LSAMP: variants seen among roughly 807,000 people sequenced by gnomAD.
LSAMP encodes limbic system associated membrane protein.
In LSAMP, 7 loss-of-function variants were observed where a neutral mutation model predicts 38.6. That is an observed-to-expected ratio of 0.18 (90% CI 0.10 to 0.34). LSAMP has a LOEUF of 0.34. Ranked by LOEUF, LSAMP falls within the 10% of genes least tolerant of loss-of-function variation. LSAMP has a pLI of 1.00. For synonymous variants in LSAMP, 154 were observed against 166.8 expected (o/e 0.92, Z 0.59); for missense variants, 313 against 420.0 (o/e 0.75, Z 2.23).
chr3:115,987,871 A>G (rs1162685498), intron 3 of LSAMP, among the ~76,000 whole-genome samples: 1 of 152,200 alleles, frequency 6.6e-6, no homozygotes, highest in Non-Finnish European at 1.5e-5. Context: ...ACTTCCTATC[A>G]TTTCACAGCT....
intron 3 of LSAMP, among the ~76,000 whole-genome samples, chr3:115,894,053 C>G (rs1197026124): frequency 6.6e-6 from 1 of 151,970 alleles, no homozygotes; most frequent in African/African-American, 2.4e-5. Flanking sequence ...CACTTTCTTA[C>G]TCTTAATTTA....
intron 3 of LSAMP, among the ~76,000 whole-genome samples, chr3:116,013,494 CT>C (rs1235953805): frequency 6.6e-6 from 1 of 152,108 alleles, no homozygotes; most frequent in African/African-American, 2.4e-5. Flanking sequence ...ACACAAACAG[CT>C]GTCTATATAC....
intron 6 of LSAMP, among the ~76,000 whole-genome samples, chr3:115,840,598 A>C (rs1934965661): frequency 6.6e-6 from 1 of 152,246 alleles, no homozygotes; most frequent in Non-Finnish European, 1.5e-5. Flanking sequence ...TGAGAGTTAC[A>C]AATGAGAAAC....
chr3:115,919,108 A>G (rs1173757854), intron 3 of LSAMP, among the ~76,000 whole-genome samples: 8 of 152,112 alleles, frequency 5.3e-5, no homozygotes, highest in African/African-American at 1.9e-4. Flanking sequence ...AGCACTTGAA[A>G]AATTATGCTT....
At chr3:116,185,245 G>A (rs1171609891) in intron 1 of LSAMP, among the ~76,000 whole-genome samples, 2 of 151,808 alleles carry the variant, frequency 1.3e-5, no homozygotes, top group African/African-American at 4.8e-5. Flanking sequence ...AACACCTACT[G>A]TAGAATGTAG....
intron 1 of LSAMP, among the ~76,000 whole-genome samples, chr3:116,111,730 A>G (rs1013696419): frequency 6.6e-6 from 1 of 152,122 alleles, no homozygotes; most frequent in Non-Finnish European, 1.5e-5. Context: ...AATTCTGCTA[A>G]TTTATCATTT....
intron 1 of LSAMP, among the ~76,000 whole-genome samples, chr3:116,171,863 A>C (rs114646642): frequency 1.3e-5 from 2 of 152,110 alleles, no homozygotes; most frequent in African/African-American, 4.8e-5. Context: ...GAGTTCAAAC[A>C]GTGACCAGTT....
intron 1 of LSAMP, among the ~76,000 whole-genome samples, chr3:116,145,804 A>T (rs981810205): frequency 1.3e-4 from 19 of 151,928 alleles, no homozygotes; most frequent in Non-Finnish European, 1.9e-4. Flanking sequence ...TCGCAGATAC[A>T]ACTTCCAGTT....
chr3:116,045,140 G>A (rs1395572909), intron 2 of LSAMP, among the ~76,000 whole-genome samples: 1 of 152,150 alleles, frequency 6.6e-6, no homozygotes, highest in Non-Finnish European at 1.5e-5. Flanking sequence ...CATAAAGACA[G>A]TTATTGAAAA....
intron 1 of LSAMP, among the ~76,000 whole-genome samples, chr3:116,256,863 TG>T (rs2046757833): frequency 6.6e-6 from 1 of 152,188 alleles, no homozygotes; most frequent in African/African-American, 2.4e-5. Context: ...GTGTCATGAG[TG>T]GCAAAAGCTA....
intron 1 of LSAMP, among the ~76,000 whole-genome samples, chr3:116,307,826 CTA>C (rs2047503874): frequency 6.6e-6 from 1 of 151,748 alleles, no homozygotes; most frequent in Non-Finnish European, 1.5e-5. Flanking sequence ...ATTATAACCA[CTA>C]TGTGATTAAG....
rs1933764681 is a variant in LSAMP at position 115,810,017 on chromosome 3, C to A, written c.*300G>T. The A allele has an allele frequency of 3.9e-6, 1 of 256,686 alleles. No individual in the cohort carries two copies. Among genetic ancestry groups the A allele is most frequent in the African/African-American group, 2.3e-5 (1 of 43,844 alleles). The allele number at this position is 256,686 out of a possible 1,614,324, so 15.9% of individuals were successfully genotyped here. ...CTTATTTTTACAGCATCCAGATGTC[C>A]TTAGTGTGGTGTAGTCTTTACACAG... On this transcript the variant is annotated 3_prime_UTR_variant, in exon 7 of 7. Coordinates refer to ENST00000490035, the MANE Select transcript of LSAMP (RefSeq NM_002338.5).
chr3:116,122,728 G>A (rs946418788), intron 1 of LSAMP, among the ~76,000 whole-genome samples: 9 of 152,088 alleles, frequency 5.9e-5, no homozygotes, highest in Non-Finnish European at 7.3e-5. Flanking sequence ...TACATTTAAC[G>A]TATATTATTT....
intron 3 of LSAMP, among the ~76,000 whole-genome samples, chr3:115,911,733 G>T (rs1351185042): frequency 6.6e-6 from 1 of 152,200 alleles, no homozygotes; most frequent in African/African-American, 2.4e-5. Flanking sequence ...GTAGCTGTAT[G>T]TTTAATTTTT....
intron 1 of LSAMP, among the ~76,000 whole-genome samples, chr3:116,373,304 G>A (rs962715475): frequency 6.6e-6 from 1 of 151,336 alleles, no homozygotes; most frequent in Non-Finnish European, 1.5e-5. Context: ...GGTACAACAT[G>A]GATGAAACTT....
At chr3:116,198,885 C>T (rs1206316822) in intron 1 of LSAMP, among the ~76,000 whole-genome samples, 3 of 152,006 alleles carry the variant, frequency 2.0e-5, no homozygotes, top group African/African-American at 7.2e-5. Flanking sequence ...CAAAACCAGC[C>T]TGGGCAACAC....
At chr3:116,399,501 G>A (rs2048811248) in intron 1 of LSAMP, among the ~76,000 whole-genome samples, 3 of 152,198 alleles carry the variant, frequency 2.0e-5, no homozygotes, top group Non-Finnish European at 4.4e-5. Context: ...CTGGCAAAGA[G>A]AGGAACGGTG....
intron 1 of LSAMP, among the ~76,000 whole-genome samples, chr3:116,268,674 G>A (rs558540777): frequency 1.6e-3 from 192 of 117,250 alleles, no homozygotes; most frequent in South Asian, 4.7e-3. Context: ...AAGTGTTTTT[G>A]ATTAAACAAT....
intron 1 of LSAMP, among the ~76,000 whole-genome samples, chr3:116,170,685 C>T (rs559117437): frequency 5.3e-4 from 81 of 152,136 alleles, no homozygotes; most frequent in Non-Finnish European, 8.8e-4. Context: ...CTACATGTAG[C>T]ACACCTGCTA....
Sources: gnomAD v4.1 joint callset for allele counts (sites outside exome capture counted in the v4.1 genomes callset) on GRCh38, gnomAD v4.1.1 for gene constraint, MANE v1.5 for transcripts, NCBI Gene and HGNC (gene_info 2026-07-23, HGNC 2026-07-21) for gene names.